The following CRADD variants were observed in gnomAD, a reference collection of about 807,000 sequenced individuals.
CRADD encodes the protein CARD and death domain containing adaptor protein, also known as death domain-containing protein CRADD.
Under a neutral mutation model 15.5 loss-of-function variants are expected in CRADD, and 9 were observed. The observed-to-expected ratio is 0.58, with a 90% CI of 0.35 to 1.01. The LOEUF is 1.01. Among genes scored for constraint, CRADD ranks in the 50% least tolerant of loss-of-function variants. The pLI is 0.02. For synonymous variants in CRADD, 118 were observed against 107.6 expected (o/e 1.10, Z -0.60); for missense variants, 227 against 250.3 (o/e 0.91, Z 0.63).
intron 1 of CRADD, 168 bp downstream of exon 1, chr12:93,677,640 T>C (rs1467911472): frequency 6.6e-6 from 1 of 152,306 alleles, no homozygotes; most frequent in Non-Finnish European, 1.5e-5. Context: ...TGGTCCGCTC[T>C]TTAGTTCATT....
intron 2 of CRADD, among the ~76,000 whole-genome samples, chr12:93,836,780 A>G (rs993192017): frequency 4.6e-5 from 7 of 152,210 alleles, no homozygotes; most frequent in Non-Finnish European, 1.0e-4. Flanking sequence ...TACTATGTGC[A>G]AGGCACTACC....
rs538972998 is a variant in CRADD, at chr12:93,747,520, G to A, written c.298+68448G>A. Among the ~76,000 whole-genome samples, 344 of 150,862 alleles carry A rather than the reference G, an allele frequency of 2.3e-3. 1 individual carries two copies. Among genetic ancestry groups the A allele is most frequent in the African/African-American group, 7.9e-3 (324 of 40,950 alleles). ...CTGTTGCCCAGGCTGGAGTGCAGTG[G>A]TGCGATCTCAGCTCACCACAACCTC... On this transcript the variant is annotated intron_variant, in intron 2 of 2. Transcript: ENST00000332896.
At chr12:93,892,165 G>A (rs940919560) in intron 2 of CRADD, among the ~76,000 whole-genome samples, 2 of 152,084 alleles carry the variant, frequency 1.3e-5, no homozygotes, top group African/African-American at 4.8e-5. Flanking sequence ...CTGCTTTACC[G>A]AGCTCCTTCA....
intron 2 of CRADD, among the ~76,000 whole-genome samples, chr12:93,748,287 G>A (rs4547149): frequency 0.43 from 64,997 of 152,048 alleles, 14,598 homozygotes; most frequent in East Asian, 0.81. Context: ...GGAGGAAACA[G>A]GCTTCTTCTT....
chr12:93,806,162 C>T (rs1957535056), intron 2 of CRADD, among the ~76,000 whole-genome samples: 1 of 151,902 alleles, frequency 6.6e-6, no homozygotes, highest in Admixed American at 6.6e-5. Flanking sequence ...TTTGAAAAAA[C>T]AAGAGAGGTG....
rs1324160829 is a variant in CRADD at position 93,773,213 on chromosome 12, G to GTTAAC, written c.299-76757_299-76756insTTAAC. On this transcript the variant is annotated intron_variant, in intron 2 of 2. Coordinates refer to ENST00000332896, the MANE Select transcript of CRADD (RefSeq NM_003805.5). The stretch of plus-strand genomic sequence containing the variant: ...GTAACAAAGAACTCCAAATCTCAGT[G>GTTAAC]GTTTAACTTAGGTTATGATGTGGTT... Among the ~76,000 whole-genome samples, 3 of 152,252 alleles carry GTTAAC rather than the reference G, an allele frequency of 2.0e-5. No individual in the cohort carries two copies. In the East Asian group the frequency reaches 5.8e-4, roughly 29 times the overall value.
intron 2 of CRADD, among the ~76,000 whole-genome samples, chr12:93,686,304 CAAAA>C (rs59096792): frequency 1.5e-5 from 1 of 65,984 alleles, no homozygotes. Flanking sequence ...CCATCCCCCC[CAAAA>C]AAAAAAAAAA....
intron 2 of CRADD, chr12:93,859,234 T>C (rs1198062644): frequency 9.1e-6 from 4 of 441,286 alleles, no homozygotes; most frequent in Non-Finnish European, 1.8e-5. Context: ...TTTTTTAAAA[T>C]GAAATTGTTT....
chr12:93,783,164 G>T (rs1957231181), intron 2 of CRADD, among the ~76,000 whole-genome samples: 1 of 151,150 alleles, frequency 6.6e-6, no homozygotes, highest in Admixed American at 6.6e-5. Flanking sequence ...GAAATCATTT[G>T]CTGGGCCACA....
At position 93,759,066 on chromosome 12, in the gene CRADD, G is replaced by A. The variant is rs185738717; in HGVS notation, c.298+79994G>A. 2.1e-3 allele frequency among the ~76,000 whole-genome samples: 313 copies of A among 152,240 alleles called. 1 individual carries two copies. The highest frequency in any genetic ancestry group is 7.1e-3 in the African/African-American group (293 of 41,550). On this transcript the variant is annotated intron_variant, in intron 2 of 2. Transcript: ENST00000332896. ...TGAAATACCAAGGCATTTAATTTTTGGAAGTGTAGAATGTTTTATTACTTT... is the reference window on the plus strand; with the variant it reads ...TGAAATACCAAGGCATTTAATTTTTAGAAGTGTAGAATGTTTTATTACTTT...
intron 2 of CRADD, among the ~76,000 whole-genome samples, chr12:93,878,142 GTC>G (rs1958470615): frequency 6.6e-6 from 1 of 152,208 alleles, no homozygotes. Flanking sequence ...GAGAACAAGA[GTC>G]TCTGCCTGGT....
intron 2 of CRADD, among the ~76,000 whole-genome samples, chr12:93,697,023 T>C (rs905874254): frequency 2.6e-5 from 4 of 152,226 alleles, no homozygotes; most frequent in Non-Finnish European, 5.9e-5. Context: ...GTAGACTGTA[T>C]TGCATTCTTG....
At chr12:93,783,321 C>G (rs1345769695) in intron 2 of CRADD, among the ~76,000 whole-genome samples, 15 of 150,382 alleles carry the variant, frequency 1.0e-4, no homozygotes, top group Non-Finnish European at 5.9e-5. Flanking sequence ...GTTTCTCACC[C>G]ACAAATCCAG....
intron 2 of CRADD, among the ~76,000 whole-genome samples, chr12:93,765,766 T>G (rs528874186): frequency 1.1e-4 from 17 of 152,352 alleles, no homozygotes; most frequent in African/African-American, 4.1e-4. Flanking sequence ...CTGTTAGCAT[T>G]CTTTGGAAAG....
intron 2 of CRADD, chr12:93,815,616 A>G (rs1399120464): frequency 1.3e-5 from 2 of 152,344 alleles, no homozygotes; most frequent in Admixed American, 1.3e-4. Context: ...TGTTATAAAA[A>G]GTGTGTTTTA....
At chr12:93,703,102 G>A (rs1226504898) in intron 2 of CRADD, among the ~76,000 whole-genome samples, 4 of 152,118 alleles carry the variant, frequency 2.6e-5, no homozygotes, top group Non-Finnish European at 5.9e-5. Context: ...TGCTGACTGT[G>A]TTCTTGAGTG....
Position 93,678,904 on chromosome 12 carries a change from A to C in CRADD, c.130A>C (p.Ile44Leu), listed in dbSNP as rs185375655. The C allele has an allele frequency of 1.1e-4, 182 of 1,614,214 alleles. 1 individual carries two copies. In the East Asian group the frequency reaches 3.9e-3, roughly 35 times the overall value. Residue 44 changes from isoleucine to leucine, a missense_variant, in exon 2 of 3, where the codon ATC (isoleucine) becomes CTC (leucine). Transcript: ENST00000332896. ...CTTGACGGAAAACCATATTCAAGAA[A>C]TCAATGCTCAAACCACAGGCCTCCG... Reference protein sequence around the residue: ...GILTENHIQEINAQTTGLRKT... With the variant: ...GILTENHIQELNAQTTGLRKT...
intron 2 of CRADD, among the ~76,000 whole-genome samples, chr12:93,845,941 A>G (rs772704021): frequency 8.6e-5 from 13 of 151,828 alleles, no homozygotes; most frequent in Non-Finnish European, 1.6e-4. Context: ...ATAATTCCCC[A>G]TTTCTCCCTC....
chr12:93,821,149 A>G (rs1957765062), intron 2 of CRADD, among the ~76,000 whole-genome samples: 1 of 152,254 alleles, frequency 6.6e-6, no homozygotes, highest in Non-Finnish European at 1.5e-5. Flanking sequence ...GCTGCTCCTC[A>G]AAGATTAGCA....
Sources: gnomAD v4.1 joint callset for allele counts (sites outside exome capture counted in the v4.1 genomes callset) on GRCh38, gnomAD v4.1.1 for gene constraint, MANE v1.5 for transcripts, NCBI Gene and HGNC (gene_info 2026-07-23, HGNC 2026-07-21) for gene names.